CDH26: variants seen among roughly 807,000 people sequenced by gnomAD.
CDH26 encodes the protein cadherin-like protein 26.
Under a neutral mutation model 90.3 loss-of-function variants are expected in CDH26, and 83 were observed. The ratio of observed to expected loss-of-function variants is 0.92; its 90% CI spans 0.77 to 1.10. The LOEUF is 1.10. CDH26 is among the 50% of genes least tolerant of loss of function. CDH26 has a pLI of 0.00. For missense variants in CDH26, 1,013 were observed against 1,037.6 expected, an observed-to-expected ratio of 0.98 and a Z score of 0.33; for synonymous variants, 397 against 396.3, an observed-to-expected ratio of 1.00 and a Z score of -0.02.
At position 60,012,705 on chromosome 20, in the gene CDH26, A is replaced by AT; in HGVS notation, c.2476dup (p.Ser826PhefsTer19). ...AAAGCGACTCCGTTTGAGGAAATATATTCAGAGTCAGGTGTTCCTTCCTAA... is the reference window on the plus strand; with the variant it reads ...AAAGCGACTCCGTTTGAGGAAATATATTTCAGAGTCAGGTGTTCCTTCCTAA... On this transcript the variant is annotated frameshift_variant, in exon 18 of 18. Transcript: ENST00000348616. LOFTEE classifies it low-confidence loss of function (END_TRUNC). 6.2e-7 allele frequency: 1 copy of AT among 1,613,936 alleles called. No homozygotes were observed. Among genetic ancestry groups the AT allele is most frequent in the Non-Finnish European group, 8.5e-7 (1 of 1,179,980 alleles).
chr20:59,994,343 T>C lies in CDH26; in HGVS notation c.1520T>C (p.Met507Thr). 1 of 1,613,906 alleles carries C rather than the reference T, an allele frequency of 6.2e-7. No homozygotes were observed. Among genetic ancestry groups the C allele is most frequent in the Non-Finnish European group, 8.5e-7 (1 of 1,179,982 alleles). ...ACTCTCCGGCCACGTTCCCGCTACA[T>C]GGAGGTCTGTGAGTCTGCTGTGCAT... ...VPTLRPRSRY[M>T]EVCESAVHEP... The change falls in exon 11 of 18, where the codon ATG (methionine) becomes ACG (threonine). Residue 507 changes from methionine to threonine, a missense_variant. By Grantham distance (81) the Met-to-Thr change is moderately conservative. Transcript: ENST00000348616.
At chr20:59,970,386 A>T (rs1313007198) in intron 3 of CDH26, among the ~76,000 whole-genome samples, 200 bp downstream of exon 3, 1 of 152,124 alleles carries the variant, frequency 6.6e-6, no homozygotes, top group Non-Finnish European at 1.5e-5. Flanking sequence ...GTGAGTTTGA[A>T]CGAGTCACTT....
In CDH26 at chr20:59,987,658, A is replaced by G. The variant is rs765313073; in HGVS notation, c.1023+20A>G. On this transcript the variant is annotated intron_variant, in intron 8 of 17. Transcript: ENST00000348616. The stretch of plus-strand genomic sequence containing the variant: ...ATCAAGGTAACACCATACCGGTGAC[A>G]TACCAACCAGTTAGTGGCAGACGCT... 1.3e-6 allele frequency: 2 copies of G among 1,585,586 alleles called. No individual in the cohort carries two copies. Among genetic ancestry groups the G allele is most frequent in the African/African-American group, 1.4e-5 (1 of 74,046 alleles).
At chr20:60,010,598 G>T (rs901239829) in intron 17 of CDH26, among the ~76,000 whole-genome samples, 2 of 152,314 alleles carry the variant, frequency 1.3e-5, no homozygotes, top group Middle Eastern at 6.8e-3. Flanking sequence ...GGAGTTTGCT[G>T]GGTTGGAGAT....
At chr20:59,959,059 T>G (rs1057329433) in intron 1 of CDH26, among the ~76,000 whole-genome samples, 1 of 152,218 alleles carries the variant, frequency 6.6e-6, no homozygotes, top group African/African-American at 2.4e-5. Context: ...TCACACTATT[T>G]TTAGTGAGAT....
intron 7 of CDH26, among the ~76,000 whole-genome samples, chr20:60,029,312 A>G (rs2062022316): frequency 6.6e-6 from 1 of 152,136 alleles, no homozygotes. Context: ...CGTAGCATCT[A>G]TAGTCAACAA....
chr20:60,027,228 A>C (rs1408859670), intron 7 of CDH26, among the ~76,000 whole-genome samples: 1 of 152,164 alleles, frequency 6.6e-6, no homozygotes, highest in Non-Finnish European at 1.5e-5. Flanking sequence ...TATATGGCTC[A>C]GGTGAAAAAG....
intron 1 of CDH26, among the ~76,000 whole-genome samples, chr20:59,959,513 G>A (rs1569018331): frequency 1.3e-5 from 2 of 151,516 alleles, no homozygotes; most frequent in Admixed American, 1.3e-4. Context: ...GCAACCTCCT[G>A]GCTCAGCCTC....
intron 1 of CDH26, among the ~76,000 whole-genome samples, chr20:59,960,185 A>G (rs2061049864): frequency 6.6e-6 from 1 of 152,082 alleles, no homozygotes; most frequent in African/African-American, 2.4e-5. Context: ...TTTGCCCCCA[A>G]AGGTTCAGGT....
At chr20:59,962,864 G>A (rs945383070) in intron 1 of CDH26, among the ~76,000 whole-genome samples, 1 of 152,176 alleles carries the variant, frequency 6.6e-6, no homozygotes, top group African/African-American at 2.4e-5. Context: ...TTTGGAATGA[G>A]TAGGTAAGTG....
chr20:59,989,284 T>C, intron 9 of CDH26, 121 bp downstream of exon 9: 1 of 1,298,148 alleles, frequency 7.7e-7, no homozygotes, highest in South Asian at 1.4e-5. Context: ...ATCCCAGCGC[T>C]TTGGGAGGCC....
At chr20:59,996,604 C>A (rs774821734) in intron 12 of CDH26, 27 bp from the exon 13 acceptor site, 38 of 1,614,086 alleles carry the variant, frequency 2.4e-5, no homozygotes, top group Non-Finnish European at 3.1e-5. Context: ...CTTGTCTAAT[C>A]TGTTTTTCCC....
chr20:59,968,650 T>C (rs1452466003), intron 1 of CDH26, among the ~76,000 whole-genome samples: 1 of 152,194 alleles, frequency 6.6e-6, no homozygotes, highest in Non-Finnish European at 1.5e-5. Context: ...TACATATAAA[T>C]ACAGCTGTGC....
chr20:60,006,612 G>A, intron 16 of CDH26, 101 bp from the exon 17 acceptor site: 1 of 801,104 alleles, frequency 1.2e-6, no homozygotes, highest in Non-Finnish European at 2.2e-6. Flanking sequence ...AGAGAACGGT[G>A]CTCAGTGTGC....
Position 59,972,116 on chromosome 20 carries a change from C to T in CDH26, c.386C>T (p.Ser129Phe), listed in dbSNP as rs760636765. ...CCTGTCGATCGAGAAATGACACCAT[C>T]TTTCACGGTATCTAAAACTTGATAT... is the stretch of plus-strand genomic sequence containing the variant. ...HRPVDREMTP[S>F]FTVYFDVVER... The change falls in exon 4 of 18, where the codon TCT becomes TTT. Residue 129 changes from serine (S) to phenylalanine (F), a missense_variant. Physicochemically the swap from Ser to Phe is radical, Grantham distance 155. Coordinates refer to ENST00000348616, the MANE Select transcript of CDH26 (RefSeq NM_177980.4). 2 of 1,613,578 alleles carry T rather than the reference C, an allele frequency of 1.2e-6. No homozygotes were observed. Among genetic ancestry groups the T allele is most frequent in the Admixed American group, 1.7e-5 (1 of 59,904 alleles).
intron 9 of CDH26, among the ~76,000 whole-genome samples, chr20:59,990,502 C>T (rs904052437): frequency 1.3e-5 from 2 of 152,208 alleles, no homozygotes; most frequent in Non-Finnish European, 2.9e-5. Flanking sequence ...GATTCCTCTC[C>T]TTACAGCAAC....
At chr20:60,002,741 G>T (rs2061692853) in intron 15 of CDH26, 72 bp from the exon 16 acceptor site, 1 of 1,225,050 alleles carries the variant, frequency 8.2e-7, no homozygotes, top group South Asian at 1.4e-5. Context: ...ATGACTGCAA[G>T]AATTTCTAGT....
At chr20:59,996,993 A>G (rs763458868) in intron 13 of CDH26, among the ~76,000 whole-genome samples, 1 of 152,244 alleles carries the variant, frequency 6.6e-6, no homozygotes, top group Non-Finnish European at 1.5e-5. Context: ...GGAGATATTC[A>G]TCAATGCCTG....
chr20:59,972,014 CT>C lies in CDH26; in HGVS notation c.285del (p.Gly96ValfsTer13), dbSNP rs749880588. The C allele has an allele frequency of 3.5e-5, 57 of 1,613,604 alleles. No individual in the cohort carries two copies. The highest frequency in any genetic ancestry group is 4.3e-5 in the Non-Finnish European group (51 of 1,179,736). On this transcript the variant is annotated frameshift_variant, in exon 4 of 18. Transcript: ENST00000348616. LOFTEE classifies it high-confidence loss of function. The part of the protein sequence containing the change: ...NMSLMYLISG[P>X]GVDEYPEIGL... The stretch of plus-strand genomic sequence containing the variant: ...TCACTAATGTATCTAATCAGTGGAC[CT>C]GGTGTGGATGAATATCCAGAGATTG...
Sources: allele counts gnomAD v4.1 joint callset (sites outside exome capture counted in the v4.1 genomes callset), GRCh38; gene constraint gnomAD v4.1.1; transcripts MANE v1.5; gene names NCBI Gene and HGNC (gene_info 2026-07-23, HGNC 2026-07-21).